Variants in RPRD1A observed in about 807,000 individuals in gnomAD.
RPRD1A encodes regulation of nuclear pre-mRNA domain-containing protein 1A.
In RPRD1A, 9 loss-of-function variants were observed where a neutral mutation model predicts 37.8. The observed-to-expected ratio is 0.24, with a 90% CI of 0.14 to 0.42. RPRD1A has a LOEUF of 0.42. RPRD1A is among the 10% of genes least tolerant of loss of function. The pLI, the probability that RPRD1A is intolerant of heterozygous loss-of-function variation, is 1.00. For synonymous variants in RPRD1A, 138 were observed against 139.7 expected (o/e 0.99, Z 0.08); for missense variants, 255 against 371.0 (o/e 0.69, Z 2.57).
rs1248059065 is a variant in RPRD1A at position 36,011,504 on chromosome 18, A to T, written c.789+15396T>A. 2.6e-5 allele frequency among the ~76,000 whole-genome samples: 4 copies of T among 152,148 alleles called. No homozygotes were observed. In the East Asian group the frequency reaches 7.7e-4, roughly 29 times the overall value. ...AATCAGCAGAAGAAACAAAGCCAAC[A>T]GAGCCAAAATAAGAAATGACAAAAG... On this transcript the variant is annotated intron_variant, in intron 6 of 6. Transcript: ENST00000399022.
At chr18:36,030,088 G>A (rs1483542599) in intron 4 of RPRD1A, among the ~76,000 whole-genome samples, 1 of 151,344 alleles carries the variant, frequency 6.6e-6, no homozygotes, top group Admixed American at 6.6e-5. Context: ...TTACAGGCGT[G>A]AGCCACTGCG....
In RPRD1A at chr18:36,031,231, G is replaced by C. The variant is rs996428150; in HGVS notation, c.282-134C>G. On this transcript the variant is annotated intron_variant, in intron 2 of 6. Coordinates refer to ENST00000399022, the MANE Select transcript of RPRD1A (RefSeq NM_018170.5). ...AAAAAACTGTCCAAATGTCTACTTA[G>C]CATCACTATGTGGCCAGCAGCTCAA... The C allele has an allele frequency of 9.0e-6, 10 of 1,108,834 alleles. No homozygotes were observed. In the African/African-American group the frequency reaches 1.6e-4, roughly 18 times the overall value. The allele number at this position is 1,108,834 out of a possible 1,614,324, so 68.7% of individuals were successfully genotyped here. A position where few individuals can be genotyped will look rare whatever the true frequency, so the allele number is the denominator to read the frequency against.
chr18:36,021,636 A>G (rs1911000461), intron 6 of RPRD1A, among the ~76,000 whole-genome samples: 1 of 152,232 alleles, frequency 6.6e-6, no homozygotes, highest in Admixed American at 6.5e-5. Context: ...AAACAGGCCA[A>G]AAGTTAGGCC....
chr18:36,049,477 G>T (rs1373774744), intron 1 of RPRD1A, among the ~76,000 whole-genome samples: 1 of 152,078 alleles, frequency 6.6e-6, no homozygotes, highest in Admixed American at 6.6e-5. Context: ...GCTGCATAAG[G>T]AAGAAAATTC....
chr18:36,013,519 G>A (rs997898372), intron 6 of RPRD1A, among the ~76,000 whole-genome samples: 5 of 152,060 alleles, frequency 3.3e-5, no homozygotes, highest in African/African-American at 7.2e-5. Context: ...ACCAATATCC[G>A]AGATAGGTGC....
At chr18:36,025,911 A>G (rs944249740) in intron 6 of RPRD1A, 3 of 259,480 alleles carry the variant, frequency 1.2e-5, no homozygotes, top group Non-Finnish European at 2.3e-5. Context: ...CTTCAAAGGT[A>G]TAGTGGCCAC....
In RPRD1A at chr18:36,039,221, A is replaced by G. The variant is rs532712451; in HGVS notation, c.152-5384T>C. 4.6e-5 allele frequency among the ~76,000 whole-genome samples: 7 copies of G among 152,284 alleles called. No individual in the cohort carries two copies. The South Asian group carries it at 1.5e-3, about 32-fold the overall frequency. Reference sequence around the variant, plus strand: ...GGGGAGGGGCCTGGTGGGTGCCATGACTGTAAGTTTCCTGAGGCCTCCCCA... The same window carrying G: ...GGGGAGGGGCCTGGTGGGTGCCATGGCTGTAAGTTTCCTGAGGCCTCCCCA... On this transcript the variant is annotated intron_variant, in intron 1 of 6. Transcript: ENST00000399022.
At chr18:36,010,988 TATAG>T (rs1910143361) in intron 6 of RPRD1A, among the ~76,000 whole-genome samples, 1 of 152,196 alleles carries the variant, frequency 6.6e-6, no homozygotes, top group African/African-American at 2.4e-5. Flanking sequence ...ACCACTGCGC[TATAG>T]ACATAAAAAT....
At chr18:36,032,200 T>C (rs1167946036) in intron 2 of RPRD1A, among the ~76,000 whole-genome samples, 2 of 152,214 alleles carry the variant, frequency 1.3e-5, no homozygotes, top group Non-Finnish European at 1.5e-5. Flanking sequence ...ATGCATTCAC[T>C]TGTCTATCTA....
intron 6 of RPRD1A, among the ~76,000 whole-genome samples, chr18:36,015,203 CAT>C (rs1555671494): frequency 5.2e-4 from 72 of 137,316 alleles, no homozygotes; most frequent in Middle Eastern, 3.7e-3. Flanking sequence ...CACACACACA[CAT>C]TCACATACTT....
Position 35,999,804 on chromosome 18 carries a change from A to C in RPRD1A, c.790-6504T>G, listed in dbSNP as rs1244753929. ...CAGAATTTGTAGAGAAAAAAGGTGC[A>C]AAGTTTGTTTTCTCTGGTGACCTCA... On this transcript the variant is annotated intron_variant, in intron 6 of 6. Transcript: ENST00000399022. 2.0e-5 allele frequency among the ~76,000 whole-genome samples: 3 copies of C among 152,182 alleles called. No individual in the cohort carries two copies. The East Asian group carries it at 5.8e-4, about 29-fold the overall frequency.
intron 4 of RPRD1A, 71 bp from the exon 5 acceptor site, chr18:36,027,381 T>C: frequency 6.5e-7 from 1 of 1,535,632 alleles, no homozygotes; most frequent in Non-Finnish European, 9.0e-7. Flanking sequence ...TAATTTCATA[T>C]TCTTTCATCC....
At chr18:36,003,558 A>T (rs1373151808) in intron 6 of RPRD1A, among the ~76,000 whole-genome samples, 3 of 152,198 alleles carry the variant, frequency 2.0e-5, no homozygotes, top group Non-Finnish European at 4.4e-5. Context: ...CTCGACAGAA[A>T]ATGCACCTTA....
chr18:36,032,977 T>C (rs1911907717), intron 2 of RPRD1A, among the ~76,000 whole-genome samples: 1 of 151,966 alleles, frequency 6.6e-6, no homozygotes, highest in Non-Finnish European at 1.5e-5. Flanking sequence ...ACCAAATACA[T>C]GCGATGTACA....
At chr18:36,018,043 C>A (rs923330526) in intron 6 of RPRD1A, among the ~76,000 whole-genome samples, 4 of 152,284 alleles carry the variant, frequency 2.6e-5, no homozygotes, top group East Asian at 3.9e-4. Context: ...CTCCTTTGTT[C>A]AAAATGCTCA....
intron 1 of RPRD1A, chr18:36,040,798 T>C (rs1245026861): frequency 1.3e-6 from 2 of 1,490,206 alleles, no homozygotes; most frequent in East Asian, 5.0e-5. Flanking sequence ...AGTGTTTTTA[T>C]TCACTTACAG....
chr18:35,999,259 C>T (rs921126476), intron 6 of RPRD1A, among the ~76,000 whole-genome samples: 6 of 152,180 alleles, frequency 3.9e-5, no homozygotes, highest in Non-Finnish European at 8.8e-5. Context: ...AGTACTGTTT[C>T]CTCAATCTAC....
chr18:36,048,005 C>A (rs4799842), intron 1 of RPRD1A, among the ~76,000 whole-genome samples: 63,419 of 150,730 alleles, frequency 0.42, 13,937 homozygotes, highest in African/African-American at 0.56. Flanking sequence ...CCAGACACAG[C>A]ATCCAAAAAA....
chr18:36,003,830 A>C (rs898595579), intron 6 of RPRD1A, among the ~76,000 whole-genome samples: 2 of 151,654 alleles, frequency 1.3e-5, no homozygotes, highest in Non-Finnish European at 2.9e-5. Context: ...AAAAAGTCTC[A>C]CTCTGTTGCC....
Sources: gnomAD v4.1 joint callset for allele counts (sites outside exome capture counted in the v4.1 genomes callset) on GRCh38, gnomAD v4.1.1 for gene constraint, MANE v1.5 for transcripts, NCBI Gene and HGNC (gene_info 2026-07-23, HGNC 2026-07-21) for gene names.